The following ADAM2 variants were observed in gnomAD, a reference collection of about 807,000 sequenced individuals.
ADAM2 encodes the protein ADAM metallopeptidase domain 2.
A neutral mutation model predicts 99.3 loss-of-function variants in ADAM2; 101 were observed. The observed-to-expected ratio is 1.02, with a 90% CI of 0.87 to 1.20. The LOEUF is 1.20. Among genes scored for constraint, ADAM2 ranks in the 50% most tolerant of loss-of-function variants. The pLI is 0.00. For synonymous variants in ADAM2, 323 were observed against 287.6 expected (o/e 1.12, Z -1.25); for missense variants, 948 against 878.7 (o/e 1.08, Z -1.00).
At chr8:39,750,550 T>C (rs77093623) in intron 16 of ADAM2, among the ~76,000 whole-genome samples, 2,314 of 152,284 alleles carry the variant, frequency 0.015, 58 homozygotes, top group African/African-American at 0.053. Context: ...GGCAATAGCC[T>C]ATAGATACAA....
At chr8:39,753,163 G>T (rs948506812) in intron 16 of ADAM2, among the ~76,000 whole-genome samples, 1 of 152,124 alleles carries the variant, frequency 6.6e-6, no homozygotes, top group African/African-American at 2.4e-5. Context: ...ATCAAAATGC[G>T]CTTAGTGATA....
intron 15 of ADAM2, among the ~76,000 whole-genome samples, chr8:39,759,371 A>G (rs1318206531): frequency 6.6e-6 from 1 of 152,132 alleles, no homozygotes; most frequent in East Asian, 1.9e-4. Context: ...AAAAAGAAAC[A>G]CAAATAAAAA....
rs776057048 is a variant in ADAM2 at position 39,749,675 on chromosome 8, C to G, written c.1867G>C (p.Asp623His). Residue 623 changes from aspartate (D) to histidine (H), a missense_variant, in exon 17 of 21, where the codon GAT becomes CAT. Transcript: ENST00000265708. ...GYDCTTDKCN[D>H]RGVCNNKKHC... ...ATAGTACTGCTACTTACACCTCTAT[C>G]ATTGCATTTGTCAGTAGTACAATCA... 1 of 1,610,688 alleles carries G rather than the reference C, an allele frequency of 6.2e-7. No individual in the cohort carries two copies. The highest frequency in any genetic ancestry group is 8.5e-7 in the Non-Finnish European group (1 of 1,177,782).
chr8:39,753,234 G>A (rs755360012), intron 16 of ADAM2, among the ~76,000 whole-genome samples: 1 of 152,140 alleles, frequency 6.6e-6, no homozygotes, highest in Non-Finnish European at 1.5e-5. Flanking sequence ...CTTAGGAACT[G>A]GAGAAAAGGT....
At chr8:39,754,805 G>A (rs375910015) in intron 16 of ADAM2, among the ~76,000 whole-genome samples, 1 of 152,154 alleles carries the variant, frequency 6.6e-6, no homozygotes, top group African/African-American at 2.4e-5. Context: ...GTGTATATAC[G>A]TGTTTGTATG....
intron 10 of ADAM2, among the ~76,000 whole-genome samples, chr8:39,781,952 GT>G (rs1022390402): frequency 2.1e-4 from 32 of 152,278 alleles, no homozygotes; most frequent in African/African-American, 7.7e-4. Flanking sequence ...AGGCACAACT[GT>G]ATTTATTTGG....
intron 11 of ADAM2, among the ~76,000 whole-genome samples, chr8:39,769,803 T>C (rs773327894): frequency 1.6e-4 from 25 of 152,190 alleles, no homozygotes; most frequent in Non-Finnish European, 7.4e-5. Flanking sequence ...ATGACACTTA[T>C]TCATGACACT....
At chr8:39,827,854 G>A (rs1351664191) in intron 3 of ADAM2, among the ~76,000 whole-genome samples, 1 of 151,854 alleles carries the variant, frequency 6.6e-6, no homozygotes, top group African/African-American at 2.4e-5. Context: ...AATTGCTAAG[G>A]GATTAGATCT....
intron 3 of ADAM2, among the ~76,000 whole-genome samples, chr8:39,829,536 A>T (rs540486454): frequency 3.2e-4 from 49 of 152,082 alleles, no homozygotes; most frequent in African/African-American, 1.2e-3. Context: ...TTTAAAACTT[A>T]AAACATCTAC....
intron 16 of ADAM2, 28 bp from the exon 17 acceptor site, chr8:39,749,772 ATTGACATGCCATCTAGAG>A (rs769286671): frequency 6.4e-7 from 1 of 1,573,100 alleles, no homozygotes; most frequent in South Asian, 1.1e-5. Flanking sequence ...AAATAAGTTA[ATTGACATGCCATCTAGAG>A]TTGCCATTTA....
At chr8:39,820,219 C>T (rs7825533) in intron 6 of ADAM2, among the ~76,000 whole-genome samples, 52,167 of 151,690 alleles carry the variant, frequency 0.34, 11,086 homozygotes, top group African/African-American at 0.61. Context: ...GAGAATAAGC[C>T]AAAGTATTTG....
At chr8:39,744,686 TG>T (rs1823375116) in intron 20 of ADAM2, 143 bp downstream of exon 20, 4 of 516,034 alleles carry the variant, frequency 7.8e-6, no homozygotes, top group Non-Finnish European at 1.4e-5. Flanking sequence ...CTAATGCATG[TG>T]GGGCTTAAAA....
At chr8:39,750,377 A>T (rs1222190068) in intron 16 of ADAM2, among the ~76,000 whole-genome samples, 2 of 152,156 alleles carry the variant, frequency 1.3e-5, no homozygotes, top group Non-Finnish European at 2.9e-5. Context: ...AGAGAGAAAC[A>T]GACAAAAAAC....
intron 4 of ADAM2, among the ~76,000 whole-genome samples, chr8:39,824,551 CA>C (rs1805323783): frequency 1.3e-5 from 2 of 152,140 alleles, no homozygotes. Flanking sequence ...ACATATTTCA[CA>C]ACATATTTAG....
intron 7 of ADAM2, among the ~76,000 whole-genome samples, chr8:39,798,357 G>T (rs1586119266): frequency 6.6e-6 from 1 of 152,214 alleles, no homozygotes; most frequent in East Asian, 1.9e-4. Flanking sequence ...ATTTAGGTAT[G>T]TTGAACCAGC....
intron 11 of ADAM2, among the ~76,000 whole-genome samples, chr8:39,773,589 G>C (rs1262099841): frequency 6.6e-6 from 1 of 151,626 alleles, no homozygotes; most frequent in African/African-American, 2.4e-5. Flanking sequence ...TTATCCCATT[G>C]ACTTTTAGGG....
At chr8:39,747,821 A>T (rs1305917762) in intron 18 of ADAM2, among the ~76,000 whole-genome samples, 1 of 152,192 alleles carries the variant, frequency 6.6e-6, no homozygotes, top group African/African-American at 2.4e-5. Flanking sequence ...TAATGGTTTC[A>T]CTTTCTGCAA....
chr8:39,808,263 C>T (rs558317261), intron 7 of ADAM2, among the ~76,000 whole-genome samples: 36 of 149,358 alleles, frequency 2.4e-4, no homozygotes, highest in Admixed American at 6.7e-4. Context: ...TCACAAGATA[C>T]GAGATCAATT....
At chr8:39,766,815 C>A in intron 14 of ADAM2, 33 bp downstream of exon 14, 2 of 1,456,894 alleles carry the variant, frequency 1.4e-6, no homozygotes, top group Non-Finnish European at 1.9e-6. Context: ...CAGAAAAAAA[C>A]GCATATATGA....
Sources: gnomAD v4.1 joint callset for allele counts (sites outside exome capture counted in the v4.1 genomes callset) on GRCh38, gnomAD v4.1.1 for gene constraint, MANE v1.5 for transcripts, NCBI Gene and HGNC (gene_info 2026-07-23, HGNC 2026-07-21) for gene names.